Variants in NFIL3 observed in about 807,000 individuals in gnomAD.
NFIL3 encodes nuclear factor, interleukin 3 regulated, also known as nuclear factor interleukin-3-regulated protein.
Under a neutral mutation model 10.0 loss-of-function variants are expected in NFIL3, and 5 were observed. The ratio of observed to expected loss-of-function variants is 0.50; its 90% CI spans 0.26 to 1.06. NFIL3 has a LOEUF of 1.06. NFIL3 is among the 50% of genes least tolerant of loss of function. The probability of loss-of-function intolerance (pLI) is 0.13; values close to 1 mark genes in which losing one functional copy is unlikely to be tolerated. For missense variants in NFIL3, 436 were observed against 547.6 expected (o/e 0.80, Z 2.03); for synonymous variants, 202 against 206.5 (o/e 0.98, Z 0.19).
At chr9:91,441,963 T>G in the NFIL3 span, among the ~76,000 whole-genome samples, 2 of 152,190 alleles carry the variant, frequency 1.3e-5, no homozygotes, top group Non-Finnish European at 2.9e-5. Flanking sequence ...TGAATTTGAG[T>G]ATGTGTTTGC....
At chr9:91,477,909 G>A in the NFIL3 span, among the ~76,000 whole-genome samples, 1 of 152,090 alleles carries the variant, frequency 6.6e-6, no homozygotes. Flanking sequence ...TGCTTATGAA[G>A]CTTGGTTTGG....
chr9:91,420,238 A>G (rs956375093), intron 1 of NFIL3, among the ~76,000 whole-genome samples: 1 of 152,090 alleles, frequency 6.6e-6, no homozygotes, highest in African/African-American at 2.4e-5. Flanking sequence ...ATTAAAAAAT[A>G]TATATATTAT....
chr9:91,420,972 A>G (rs1385011399), intron 1 of NFIL3, among the ~76,000 whole-genome samples: 1 of 152,120 alleles, frequency 6.6e-6, no homozygotes, highest in Non-Finnish European at 1.5e-5. Flanking sequence ...ATCACTATCA[A>G]TACTGGAGCG....
chr9:91,451,874 G>A, the NFIL3 span, among the ~76,000 whole-genome samples: 1 of 152,160 alleles, frequency 6.6e-6, no homozygotes, highest in East Asian at 1.9e-4. Context: ...CATGTCTTCT[G>A]CTAGCATCTG....
the NFIL3 span, among the ~76,000 whole-genome samples, chr9:91,450,618 C>T: frequency 2.6e-5 from 4 of 152,056 alleles, no homozygotes; most frequent in Admixed American, 1.3e-4. Context: ...TGTGGCCTAC[C>T]TAACACATGA....
At chr9:91,417,442 A>C (rs1482594885) in intron 1 of NFIL3, among the ~76,000 whole-genome samples, 3 of 152,266 alleles carry the variant, frequency 2.0e-5, no homozygotes, top group Admixed American at 6.5e-5. Flanking sequence ...CTTTTAAAGT[A>C]TGAATACTAG....
the NFIL3 span, among the ~76,000 whole-genome samples, chr9:91,475,800 T>C: frequency 3.9e-5 from 6 of 152,226 alleles, no homozygotes; most frequent in Non-Finnish European, 8.8e-5. Flanking sequence ...TAACCATAAA[T>C]ACGATAATAT....
chr9:91,420,820 G>A (rs1833748689), intron 1 of NFIL3, among the ~76,000 whole-genome samples: 1 of 152,152 alleles, frequency 6.6e-6, no homozygotes, highest in South Asian at 2.1e-4. Flanking sequence ...TAGGACAGCA[G>A]CGTCTATGTG....
At chr9:91,424,371 C>T (rs1177679661), upstream of NFIL3, among the ~76,000 whole-genome samples, 7 of 152,208 alleles carry the variant, frequency 4.6e-5, no homozygotes, top group Non-Finnish European at 8.8e-5. Context: ...GGACCTCGGC[C>T]TCCCCTTCCC....
upstream of NFIL3, among the ~76,000 whole-genome samples, chr9:91,425,352 G>A (rs968821): frequency 1.3e-5 from 2 of 151,932 alleles, no homozygotes; most frequent in African/African-American, 4.8e-5. Flanking sequence ...TCATAATAAC[G>A]CAAGTCATAT....
At chr9:91,456,900 T>A in the NFIL3 span, among the ~76,000 whole-genome samples, 1 of 152,232 alleles carries the variant, frequency 6.6e-6, no homozygotes, top group East Asian at 1.9e-4. Context: ...AATTCCTTTT[T>A]GGTTCACTTT....
the NFIL3 span, among the ~76,000 whole-genome samples, chr9:91,475,553 A>T: frequency 6.6e-6 from 1 of 152,268 alleles, no homozygotes; most frequent in Non-Finnish European, 1.5e-5. Flanking sequence ...TTATTGGAAC[A>T]CAAAGAAAGA....
At chr9:91,421,558 C>T (rs1833768989) in intron 1 of NFIL3, among the ~76,000 whole-genome samples, 2 of 152,302 alleles carry the variant, frequency 1.3e-5, no homozygotes, top group South Asian at 4.1e-4. Context: ...CCAGACCCGC[C>T]CCCAGCCCCG....
chr9:91,411,400 G>A (rs1045786503), intron 1 of NFIL3, among the ~76,000 whole-genome samples: 8 of 152,196 alleles, frequency 5.3e-5, no homozygotes, highest in South Asian at 2.1e-4. Context: ...AAACTTTAAC[G>A]TGAGTAAAAA....
chr9:91,410,007 A>G lies in NFIL3; in HGVS notation c.728T>C (p.Ile243Thr). The G allele has an allele frequency of 6.2e-7, 1 of 1,612,900 alleles. No homozygotes were observed. The highest frequency in any genetic ancestry group is 8.5e-7 in the Non-Finnish European group (1 of 1,179,986). The change falls in exon 2 of 2, where the codon ATC (isoleucine) becomes ACC (threonine). Residue 243 changes from isoleucine to threonine, a missense_variant. Transcript: ENST00000297689. This position sits in a 1 kb window ranked among gnomAD's most constrained non-coding sequence, Gnocchi z 5.7. ...RDDRGSYTASIYQNYMGNSFS... is the reference protein window; with the variant it reads ...RDDRGSYTASTYQNYMGNSFS... ...AGAATTCCCCATATAGTTTTGATAG[A>G]TGGACGCTGTGTAAGAGCCTCGGTC...
Position 91,409,550 on chromosome 9 carries a change from C to A in NFIL3, c.1185G>T (p.Ser395=). The change falls in exon 2 of 2, where the codon TCG becomes TCT. Residue 395 remains serine, a synonymous_variant. Coordinates refer to ENST00000297689, the MANE Select transcript of NFIL3 (RefSeq NM_005384.3). The part of the protein sequence containing the change: ...VTNIQDWSLK[S]EHWHQKELSG... Reference sequence around the variant, plus strand: ...TCAGTTCTTTTTGATGCCAGTGCTCCGATTTGAGAGACCAATCTTGAATGT... The same window carrying A: ...TCAGTTCTTTTTGATGCCAGTGCTCAGATTTGAGAGACCAATCTTGAATGT... 1 of 1,613,822 alleles carries A rather than the reference C, an allele frequency of 6.2e-7. No homozygotes were observed. Among genetic ancestry groups the A allele is most frequent in the Non-Finnish European group, 8.5e-7 (1 of 1,179,858 alleles).
chr9:91,453,437 A>G, the NFIL3 span, among the ~76,000 whole-genome samples: 1 of 152,124 alleles, frequency 6.6e-6, no homozygotes, highest in Non-Finnish European at 1.5e-5. Flanking sequence ...GTTTTACCTC[A>G]TAAGCCTTTG....
the NFIL3 span, among the ~76,000 whole-genome samples, chr9:91,473,492 G>A: frequency 2.0e-4 from 31 of 152,376 alleles, no homozygotes; most frequent in Non-Finnish European, 3.2e-4. Flanking sequence ...GCAAGGCTCC[G>A]TGGGCGTGGG....
chr9:91,462,567 C>A, the NFIL3 span, among the ~76,000 whole-genome samples: 2 of 151,812 alleles, frequency 1.3e-5, no homozygotes, highest in African/African-American at 4.8e-5. Flanking sequence ...ATGCATAATC[C>A]TTTTTATGCT....
Sources: gnomAD v4.1 joint callset for allele counts (sites outside exome capture counted in the v4.1 genomes callset) on GRCh38, gnomAD v4.1.1 for gene constraint, Gnocchi (gnomAD v3.1) non-coding constraint, MANE v1.5 for transcripts, NCBI Gene and HGNC (gene_info 2026-07-23, HGNC 2026-07-21) for gene names.